CREB3L3: variants seen among roughly 807,000 people sequenced by gnomAD.
CREB3L3 encodes cyclic AMP-responsive element-binding protein 3-like protein 3.
Under a neutral mutation model 44.6 loss-of-function variants are expected in CREB3L3, and 40 were observed. The ratio of observed to expected loss-of-function variants is 0.90; its 90% confidence interval spans 0.70 to 1.17. The LOEUF (loss-of-function observed/expected upper bound fraction) is 1.17. Among genes scored for constraint, CREB3L3 ranks in the 50% most tolerant of loss-of-function variants. CREB3L3 has a pLI of 0.00. For synonymous variants in CREB3L3, 273 were observed against 256.3 expected, an observed-to-expected ratio of 1.06 and a Z score of -0.62; for missense variants, 578 against 595.8, an observed-to-expected ratio of 0.97 and a Z score of 0.31.
At chr19:4,167,991 T>TTATTTATTTATC (rs1555704057) in intron 5 of CREB3L3, among the ~76,000 whole-genome samples, 2 of 150,512 alleles carry the variant, frequency 1.3e-5, no homozygotes, top group East Asian at 1.9e-4. Context: ...ATTTATTTAT[T>TTATTTATTTATC]TATTTATTTA....
chr19:4,167,353 A>AGAAAGAAG (rs1491321049), intron 5 of CREB3L3, among the ~76,000 whole-genome samples: 2 of 98,798 alleles, frequency 2.0e-5, no homozygotes, highest in Non-Finnish European at 3.5e-5. Flanking sequence ...AAAGAAAGAA[A>AGAAAGAAG]GAGAGAGAGA....
Position 4,172,405 on chromosome 19 carries a change from GGACA to G in CREB3L3, c.*447_*450del, listed in dbSNP as rs1199787969. ...CCCAGACACAGCCTGAAACAGATCC[GGACA>G]GACAGACAGAAACAGCCTGAAACAG... On this transcript the variant is annotated 3_prime_UTR_variant, in exon 10 of 10. Transcript: ENST00000078445. 5 of 247,956 alleles carry G rather than the reference GGACA, an allele frequency of 2.0e-5. No individual in the cohort carries two copies. The highest frequency in any genetic ancestry group is 8.7e-5 in the African/African-American group (3 of 34,286). The allele number at this position is 247,956 out of a possible 1,614,324, so 15.4% of individuals were successfully genotyped here. A position where few individuals can be genotyped will look rare whatever the true frequency, so the allele number is the denominator to read the frequency against.
chr19:4,158,407 G>T (rs2041614324), intron 3 of CREB3L3, among the ~76,000 whole-genome samples: 1 of 152,122 alleles, frequency 6.6e-6, no homozygotes, highest in African/African-American at 2.4e-5. Context: ...TGAGGCAGGA[G>T]AATCACCTGA....
At chr19:4,163,420 G>T (rs1195525085) in intron 4 of CREB3L3, among the ~76,000 whole-genome samples, 3 of 152,162 alleles carry the variant, frequency 2.0e-5, no homozygotes, top group Non-Finnish European at 4.4e-5. Flanking sequence ...CGTGTGTGAG[G>T]ATATCTGTAG....
intron 7 of CREB3L3, among the ~76,000 whole-genome samples, chr19:4,170,719 C>G (rs35523266): frequency 0.27 from 41,619 of 151,388 alleles, 6,472 homozygotes; most frequent in Middle Eastern, 0.38. Context: ...ACCATCCTGG[C>G]TAACACGGTG....
intron 5 of CREB3L3, among the ~76,000 whole-genome samples, chr19:4,165,586 G>A (rs1317722046): frequency 1.3e-5 from 2 of 152,102 alleles, no homozygotes; most frequent in African/African-American, 2.4e-5. Context: ...TTGAGGCTGG[G>A]CACGGTGGCT....
chr19:4,171,317 C>A lies in CREB3L3; in HGVS notation c.976-66C>A. 6.6e-7 allele frequency: 1 copy of A among 1,522,116 alleles called. No individual in the cohort carries two copies. The highest frequency in any genetic ancestry group is 9.1e-7 in the Non-Finnish European group (1 of 1,099,416). The allele number at this position is 1,522,116 out of a possible 1,614,324, so 94.3% of individuals were successfully genotyped here. On this transcript the variant is annotated intron_variant, in intron 8 of 9. Coordinates refer to ENST00000078445, the MANE Select transcript of CREB3L3 (RefSeq NM_032607.3). The surrounding 1 kb of genome is among the most constrained non-coding windows in gnomAD (Gnocchi z 4.9). Reference sequence around the variant, plus strand: ...GGTCTTTGGGGCCTCAGTTTCCCTGCCTGTGGGATGGAGATGCTTGCAGGG... The same window carrying A: ...GGTCTTTGGGGCCTCAGTTTCCCTGACTGTGGGATGGAGATGCTTGCAGGG...
At position 4,171,748 on chromosome 19, in the gene CREB3L3, G is replaced by A. The variant is rs1447666784; in HGVS notation, c.1165G>A (p.Asp389Asn). The A allele has an allele frequency of 7.4e-6, 12 of 1,613,222 alleles. No individual in the cohort carries two copies. Among genetic ancestry groups the A allele is most frequent in the East Asian group, 2.2e-5 (1 of 44,886 alleles). Reference sequence around the variant, plus strand: ...GGCCCCAGGACCCCGACCCGAGGCTGACACAACCCGAGAAGAGTCTCCAGG... The same window carrying A: ...GGCCCCAGGACCCCGACCCGAGGCTAACACAACCCGAGAAGAGTCTCCAGG... ...SEAPGPRPEA[D>N]TTREESPGSP... Residue 389 changes from aspartate (D) to asparagine (N), a missense_variant, in exon 10 of 10, where the codon GAC (aspartate) becomes AAC (asparagine). Asp to Asn is a conservative substitution (Grantham distance 23). Coordinates refer to ENST00000078445, the MANE Select transcript of CREB3L3 (RefSeq NM_032607.3). The surrounding 1 kb of genome is among the most constrained non-coding windows in gnomAD (Gnocchi z 4.9).
chr19:4,159,730 G>A lies in CREB3L3; in HGVS notation c.524G>A (p.Arg175Gln), dbSNP rs757693100. ...KPADPVDLSP[R>Q]CNLTVKDLLL... ...GCTGATCCGGTGGACCTGTCCCCAC[G>A]ATGCAATCTCACCGTGAAAGACCTC... The change falls in exon 4 of 10, where the codon CGA becomes CAA. Residue 175 changes from arginine (R) to glutamine (Q), a missense_variant. Coordinates refer to ENST00000078445, the MANE Select transcript of CREB3L3 (RefSeq NM_032607.3). 1.9e-6 allele frequency: 3 copies of A among 1,598,950 alleles called. No individual in the cohort carries two copies. The highest frequency in any genetic ancestry group is 2.6e-6 in the Non-Finnish European group (3 of 1,166,336).
chr19:4,164,583 G>C lies in CREB3L3; in HGVS notation c.657G>C (p.Glu219Asp). 1 of 1,614,142 alleles carries C rather than the reference G, an allele frequency of 6.2e-7. No individual in the cohort carries two copies. The highest frequency in any genetic ancestry group is 1.1e-5 in the South Asian group (1 of 91,082). Residue 219 changes from glutamate (E) to aspartate (D), a missense_variant, in exon 5 of 10, where the codon GAG becomes GAC. Transcript: ENST00000078445. ...HCQELVLTED[E>D]KKLLAKEGIT... Reference sequence around the variant, plus strand: ...AGGAGCTGGTGCTCACCGAGGATGAGAAGAAGCTGCTGGCTAAAGAAGGCA... The same window carrying C: ...AGGAGCTGGTGCTCACCGAGGATGACAAGAAGCTGCTGGCTAAAGAAGGCA...
chr19:4,170,007 C>G, intron 6 of CREB3L3, 133 bp from the exon 7 acceptor site: 1 of 855,986 alleles, frequency 1.2e-6, no homozygotes, highest in South Asian at 1.4e-5. Context: ...TGCCGAGTAA[C>G]CTTGGATGAA....
At position 4,171,495 on chromosome 19, in the gene CREB3L3, C is replaced by T. The variant is rs374669363; in HGVS notation, c.1072+16C>T. 1.1e-5 allele frequency: 17 copies of T among 1,612,950 alleles called. No homozygotes were observed. The highest frequency in any genetic ancestry group is 2.7e-5 in the African/African-American group (2 of 74,894). On this transcript the variant is annotated intron_variant, in intron 9 of 9. Coordinates refer to ENST00000078445, the MANE Select transcript of CREB3L3 (RefSeq NM_032607.3). The surrounding 1 kb of genome is among the most constrained non-coding windows in gnomAD (Gnocchi z 4.9). ...CCTGTACGAGGTAGGGGATCCCCAC[C>T]TTTGAAACCCTTGTCTGGTCTCCCC...
intron 2 of CREB3L3, among the ~76,000 whole-genome samples, chr19:4,155,466 C>A (rs1245387706): frequency 4.6e-5 from 7 of 150,756 alleles, no homozygotes; most frequent in Non-Finnish European, 1.5e-5. Flanking sequence ...TCAAGCGATT[C>A]TCTTGCCTCA....
At chr19:4,156,107 C>A (rs350874) in intron 2 of CREB3L3, among the ~76,000 whole-genome samples, 1 of 133,644 alleles carries the variant, frequency 7.5e-6, no homozygotes, top group Non-Finnish European at 1.6e-5. Context: ...CTCTCTCTCT[C>A]TCTCTCTCTC....
intron 5 of CREB3L3, among the ~76,000 whole-genome samples, chr19:4,167,973 T>TTTTATTTATTTATTTATTTATTTA (rs58194210): frequency 2.1e-5 from 3 of 144,848 alleles, no homozygotes; most frequent in Non-Finnish European, 3.0e-5. Context: ...ATTTTAATTA[T>TTTTATTTATTTATTTATTTATTTA]TTTATTTATT....
intron 5 of CREB3L3, among the ~76,000 whole-genome samples, chr19:4,165,132 T>C (rs2041708776): frequency 6.6e-6 from 1 of 151,710 alleles, no homozygotes; most frequent in African/African-American, 2.4e-5. Context: ...CATCCAGGAA[T>C]GAATGGCGGA....
Position 4,164,616 on chromosome 19 carries a change from GCCCACTCAGCT to G in CREB3L3, c.691_701del (p.Pro231AlafsTer4). The G allele has an allele frequency of 6.2e-7, 1 of 1,614,050 alleles. No homozygotes were observed. Among genetic ancestry groups the G allele is most frequent in the South Asian group, 1.1e-5 (1 of 91,086 alleles). Reference sequence around the variant, plus strand: ...TGCTGGCTAAAGAAGGCATCACCCTGCCCACTCAGCTGCCCCTCACTAAGGTGAGTCTGGGG... The same window carrying G: ...TGCTGGCTAAAGAAGGCATCACCCTGGCCCCTCACTAAGGTGAGTCTGGGG... On this transcript the variant is annotated frameshift_variant, in exon 5 of 10. Transcript: ENST00000078445. LOFTEE classifies it high-confidence loss of function.
intron 6 of CREB3L3, among the ~76,000 whole-genome samples, 171 bp downstream of exon 6, chr19:4,168,628 A>G (rs1275590113): frequency 1.3e-5 from 2 of 152,132 alleles, no homozygotes; most frequent in Non-Finnish European, 2.9e-5. Context: ...ATGCCTAGTG[A>G]TGGTGTAGGA....
Position 4,157,048 on chromosome 19 carries a change from T to C in CREB3L3, c.210T>C (p.Ser70=). The C allele has an allele frequency of 6.2e-7, 1 of 1,614,040 alleles. No homozygotes were observed. The highest frequency in any genetic ancestry group is 8.5e-7 in the Non-Finnish European group (1 of 1,179,994). ...SDDFLSSILG[S]GDSLPSSPLW... ...ACTTCCTCAGCTCCATCCTGGGCTC[T>C]GGAGACTCACTGCCCAGCTCCCCAC... The change falls in exon 3 of 10, where the codon TCT becomes TCC. Residue 70 remains serine, a synonymous_variant. Transcript: ENST00000078445.
Sources: gnomAD v4.1 joint callset for allele counts (sites outside exome capture counted in the v4.1 genomes callset) on GRCh38, gnomAD v4.1.1 for gene constraint, Gnocchi (gnomAD v3.1) non-coding constraint, MANE v1.5 for transcripts, NCBI Gene and HGNC (gene_info 2026-07-23, HGNC 2026-07-21) for gene names.